PHACTR3: variants seen among roughly 807,000 people sequenced by gnomAD.
The protein encoded by PHACTR3 is phosphatase and actin regulator 3.
A neutral mutation model predicts 66.8 loss-of-function variants in PHACTR3; 16 were observed. The observed-to-expected ratio is 0.24, with a 90% CI of 0.16 to 0.36. The LOEUF (loss-of-function observed/expected upper bound fraction) is 0.36. PHACTR3 is among the 10% of genes least tolerant of loss of function. PHACTR3 has a pLI of 1.00. For missense variants in PHACTR3, 647 were observed against 719.9 expected (o/e 0.90, Z 1.16); for synonymous variants, 323 against 292.1 (o/e 1.11, Z -1.08).
At chr20:59,628,973 G>C (rs188971391) in intron 1 of PHACTR3, among the ~76,000 whole-genome samples, 4 of 152,324 alleles carry the variant, frequency 2.6e-5, no homozygotes, top group Admixed American at 2.0e-4. Context: ...GGTGGACATT[G>C]GTACAGTGAG....
intron 1 of PHACTR3, among the ~76,000 whole-genome samples, chr20:59,726,835 T>C (rs1360395009): frequency 6.6e-6 from 1 of 152,172 alleles, no homozygotes; most frequent in Non-Finnish European, 1.5e-5. Context: ...CTTTGTTCAT[T>C]TGTGGGAGTT....
chr20:59,611,745 C>T (rs1477790541), intron 1 of PHACTR3, among the ~76,000 whole-genome samples: 2 of 152,220 alleles, frequency 1.3e-5, no homozygotes, highest in African/African-American at 4.8e-5. Flanking sequence ...GGATGTTGTT[C>T]CCCGGCTCCC....
In PHACTR3 at chr20:59,710,929, A is replaced by G. The variant is rs191837556; in HGVS notation, c.119-32178A>G. ...TAAAGTCTTTTTTCTTTTTGAGTCTAAAAGTATTGCACACTCATTATAGAA... is the reference window on the plus strand; with the variant it reads ...TAAAGTCTTTTTTCTTTTTGAGTCTGAAAGTATTGCACACTCATTATAGAA... On this transcript the variant is annotated intron_variant, in intron 1 of 12. Transcript: ENST00000371015. 1.1e-3 allele frequency among the ~76,000 whole-genome samples: 170 copies of G among 152,270 alleles called. 1 individual carries two copies. Among genetic ancestry groups the G allele is most frequent in the African/African-American group, 3.7e-3 (154 of 41,554 alleles).
intron 8 of PHACTR3, among the ~76,000 whole-genome samples, chr20:59,809,891 T>C (rs1381670829): frequency 6.6e-6 from 1 of 152,200 alleles, no homozygotes; most frequent in Non-Finnish European, 1.5e-5. Flanking sequence ...GCTGGCACTT[T>C]GCTGACCCCT....
intron 8 of PHACTR3, among the ~76,000 whole-genome samples, chr20:59,834,727 A>G (rs1049676518): frequency 2.0e-5 from 3 of 152,046 alleles, no homozygotes; most frequent in Admixed American, 2.0e-4. Flanking sequence ...TTCTGAATGT[A>G]TCTGCCCCTG....
intron 2 of PHACTR3, among the ~76,000 whole-genome samples, chr20:59,746,683 T>C (rs2039385036): frequency 6.6e-6 from 1 of 152,240 alleles, no homozygotes; most frequent in Non-Finnish European, 1.5e-5. Flanking sequence ...CTAAGCCAGG[T>C]GGGCTGACTC....
chr20:59,673,031 G>A (rs530025639), intron 1 of PHACTR3, among the ~76,000 whole-genome samples: 4 of 152,326 alleles, frequency 2.6e-5, no homozygotes, highest in African/African-American at 9.6e-5. Flanking sequence ...GTTACGGTGA[G>A]CTGCAAGCAA....
intron 8 of PHACTR3, among the ~76,000 whole-genome samples, chr20:59,831,693 A>T (rs938153638): frequency 7.9e-5 from 12 of 151,962 alleles, no homozygotes; most frequent in African/African-American, 2.9e-4. Context: ...CCACGTCTCT[A>T]GCGGCTCCTC....
intron 1 of PHACTR3, among the ~76,000 whole-genome samples, chr20:59,581,709 G>C (rs140996829): frequency 4.8e-5 from 7 of 145,036 alleles, no homozygotes; most frequent in African/African-American, 1.8e-4. Context: ...GTGAAATCCC[G>C]TCTCTACTAA....
At chr20:59,792,529 C>G (rs1015608723) in intron 7 of PHACTR3, among the ~76,000 whole-genome samples, 2 of 152,210 alleles carry the variant, frequency 1.3e-5, no homozygotes, top group African/African-American at 4.8e-5. Flanking sequence ...CTGTGCAGAT[C>G]CAGTTGGCCA....
intron 4 of PHACTR3, among the ~76,000 whole-genome samples, chr20:59,758,773 C>G (rs1175192959): frequency 6.6e-6 from 1 of 152,140 alleles, no homozygotes; most frequent in Non-Finnish European, 1.5e-5. Flanking sequence ...GGGTTTGAGA[C>G]ACACGGCTGA....
At chr20:59,638,481 G>A (rs2034972910) in intron 1 of PHACTR3, among the ~76,000 whole-genome samples, 1 of 148,222 alleles carries the variant, frequency 6.7e-6, no homozygotes, top group African/African-American at 2.5e-5. Flanking sequence ...TGGATGGATG[G>A]ATGGATGGAT....
chr20:59,593,965 C>T (rs2033256506), intron 1 of PHACTR3, among the ~76,000 whole-genome samples: 1 of 152,214 alleles, frequency 6.6e-6, no homozygotes, highest in Admixed American at 6.5e-5. Context: ...TCTCCTTCAA[C>T]AGCGTGTTGG....
chr20:59,777,829 C>A (rs1259355734), intron 7 of PHACTR3, among the ~76,000 whole-genome samples: 1 of 152,174 alleles, frequency 6.6e-6, no homozygotes, highest in African/African-American at 2.4e-5. Flanking sequence ...TTAAACACAT[C>A]TGTGACCCTG....
chr20:59,734,540 A>T (rs963576583), intron 1 of PHACTR3, among the ~76,000 whole-genome samples: 3 of 152,014 alleles, frequency 2.0e-5, no homozygotes, highest in African/African-American at 7.3e-5. Flanking sequence ...CCAGGCCTAA[A>T]AATTCTGTTT....
chr20:59,789,628 A>G (rs2041029523), intron 7 of PHACTR3, among the ~76,000 whole-genome samples: 1 of 152,244 alleles, frequency 6.6e-6, no homozygotes, highest in African/African-American at 2.4e-5. Context: ...CAGATGGAGA[A>G]TCTTAGCAGA....
intron 1 of PHACTR3, among the ~76,000 whole-genome samples, chr20:59,585,586 T>C (rs1000724354): frequency 1.3e-5 from 2 of 152,122 alleles, no homozygotes; most frequent in African/African-American, 4.8e-5. Flanking sequence ...CCACCAAAGG[T>C]AAACCCAGGG....
chr20:59,699,965 A>C (rs553771283), intron 1 of PHACTR3, among the ~76,000 whole-genome samples: 1 of 152,216 alleles, frequency 6.6e-6, no homozygotes, highest in Non-Finnish European at 1.5e-5. Flanking sequence ...CGTCAAGGAA[A>C]AGAAGATGAG....
intron 1 of PHACTR3, among the ~76,000 whole-genome samples, chr20:59,693,282 G>A (rs1345119184): frequency 2.6e-5 from 4 of 152,150 alleles, no homozygotes; most frequent in South Asian, 2.1e-4. Flanking sequence ...CCCACAATCC[G>A]TCCCCATCTC....
Sources: allele counts gnomAD v4.1 joint callset (sites outside exome capture counted in the v4.1 genomes callset), GRCh38; gene constraint gnomAD v4.1.1; transcripts MANE v1.5; gene names NCBI Gene and HGNC (gene_info 2026-07-23, HGNC 2026-07-21).